The following MTMR4 variants were observed in gnomAD, a reference collection of about 807,000 sequenced individuals.
MTMR4 encodes the protein myotubularin related protein 4.
A neutral mutation model predicts 125.5 loss-of-function variants in MTMR4; 30 were observed. That is an observed-to-expected ratio of 0.24 (90% CI 0.18 to 0.32). The LOEUF is 0.32. Ranked by LOEUF, MTMR4 falls within the 10% of genes least tolerant of loss-of-function variation. The pLI, the probability that MTMR4 is intolerant of heterozygous loss-of-function variation, is 1.00. For missense variants in MTMR4, 1,039 were observed against 1,511.5 expected, an observed-to-expected ratio of 0.69 and a Z score of 5.18; for synonymous variants, 498 against 564.5, an observed-to-expected ratio of 0.88 and a Z score of 1.67.
intron 15 of MTMR4, among the ~76,000 whole-genome samples, chr17:58,493,426 C>T (rs868525328): frequency 5.9e-5 from 9 of 152,246 alleles, no homozygotes; most frequent in Admixed American, 5.9e-4. Flanking sequence ...GATCACGGCT[C>T]GCTGTAGCCT....
chr17:58,507,401 T>C (rs1237013863), intron 7 of MTMR4, 82 bp from the exon 8 acceptor site: 2 of 1,318,086 alleles, frequency 1.5e-6, no homozygotes, highest in East Asian at 4.8e-5. Context: ...CCAAAGTCTC[T>C]AGAGCCAGCA....
rs780527113 is a variant in MTMR4 at position 58,504,390 on chromosome 17, T to C, written c.1440A>G (p.Gln480=). 4.0e-5 allele frequency: 64 copies of C among 1,614,032 alleles called. No homozygotes were observed. Among genetic ancestry groups the C allele is most frequent in the Non-Finnish European group, 5.1e-5 (60 of 1,180,028 alleles). Residue 480 remains glutamine, a synonymous_variant, in exon 12 of 18, where the codon CAA becomes CAG. Coordinates refer to ENST00000682306, the MANE Select transcript of MTMR4 (RefSeq NM_001378067.1). This position sits in a 1 kb window ranked among gnomAD's most constrained non-coding sequence, Gnocchi z 7.1. ...HQENVEDQNE[Q]CPVFLQWLDS... is the part of the protein sequence containing the mutation. ...CAAGCCACTGGAGGAACACAGGGCA[T>C]TGTTCGTTTTGGTCCTCCACATTCT...
In MTMR4 at chr17:58,511,419, T is replaced by C. The variant is rs1263881779; in HGVS notation, c.335+10A>G. On this transcript the variant is annotated intron_variant, in intron 4 of 17. Transcript: ENST00000682306. The stretch of plus-strand genomic sequence containing the variant: ...GCCAGGGGACCTGAGTGAGGCTCCG[T>C]TGTTCTCACCTCACCACTTTGGAGT... 3 of 1,606,714 alleles carry C rather than the reference T, an allele frequency of 1.9e-6. No homozygotes were observed. Among genetic ancestry groups the C allele is most frequent in the Non-Finnish European group, 2.6e-6 (3 of 1,176,184 alleles).
rs766020154 is a variant in MTMR4 at position 58,495,184 on chromosome 17, A to G, written c.3000T>C (p.His1000=). 6.2e-7 allele frequency: 1 copy of G among 1,614,188 alleles called. No homozygotes were observed. The highest frequency in any genetic ancestry group is 1.1e-5 in the South Asian group (1 of 91,086). ...GCTTTGTGCTAGAGACTTGCTTTGG[A>G]TGACTGGACAACCACATCTGGTTCT... ...GGKNQMWLSS[H]PKQVSSTKPV... Residue 1000 remains histidine (H), a synonymous_variant, in exon 15 of 18, where the codon CAT becomes CAC. Coordinates refer to ENST00000682306, the MANE Select transcript of MTMR4 (RefSeq NM_001378067.1).
In MTMR4 at chr17:58,504,466, G is replaced by C. The variant is rs1452119621; in HGVS notation, c.1364C>G (p.Ser455Cys). 1 of 1,613,780 alleles carries C rather than the reference G, an allele frequency of 6.2e-7. No individual in the cohort carries two copies. The highest frequency in any genetic ancestry group is 2.2e-5 in the East Asian group (1 of 44,880). ...CTTGTGCCCAAAATCCAGCCAGTCAGACTCCACTAACACTTGGAAGCCCTG... is the reference window on the plus strand; with the variant it reads ...CTTGTGCCCAAAATCCAGCCAGTCACACTCCACTAACACTTGGAAGCCCTG... ...TLEGFQVLVE[S>C]DWLDFGHKFG... Residue 455 changes from serine to cysteine, a missense_variant, in exon 12 of 18, where the codon TCT becomes TGT. This residue lies in a region of MTMR4 where 107 missense variants were observed against 267.4 expected (regional missense o/e 0.40). Coordinates refer to ENST00000682306, the MANE Select transcript of MTMR4 (RefSeq NM_001378067.1). The surrounding 1 kb of genome is among the most constrained non-coding windows in gnomAD (Gnocchi z 7.1).
At chr17:58,511,577 G>C in intron 3 of MTMR4, 66 bp from the exon 4 acceptor site, 1 of 1,334,228 alleles carries the variant, frequency 7.5e-7, no homozygotes, top group Non-Finnish European at 1.1e-6. Flanking sequence ...CCTCACCCTA[G>C]CGTAGGCACT....
Position 58,504,307 on chromosome 17 carries a change from A to C in MTMR4, c.1523T>G (p.Phe508Cys). ...FPCLFEFNEA[F>C]LVKLVQHTYS... ...GTCACAGGCCTTAGGACTTACCAGGAATGCTTCATTAAATTCAAACAGGCA... is the reference window on the plus strand; with the variant it reads ...GTCACAGGCCTTAGGACTTACCAGGCATGCTTCATTAAATTCAAACAGGCA... Residue 508 changes from phenylalanine (F) to cysteine (C), a missense_variant, in exon 12 of 18, where the codon TTC becomes TGC. Phe to Cys is a radical substitution (Grantham distance 205). Coordinates refer to ENST00000682306, the MANE Select transcript of MTMR4 (RefSeq NM_001378067.1). This position sits in a 1 kb window ranked among gnomAD's most constrained non-coding sequence, Gnocchi z 7.1. 1 of 1,613,450 alleles carries C rather than the reference A, an allele frequency of 6.2e-7. No homozygotes were observed. The highest frequency in any genetic ancestry group is 8.5e-7 in the Non-Finnish European group (1 of 1,179,448).
chr17:58,506,084 T>C (rs1975773343), intron 9 of MTMR4, among the ~76,000 whole-genome samples: 1 of 152,220 alleles, frequency 6.6e-6, no homozygotes, highest in Admixed American at 6.5e-5. Context: ...ATATTAATAA[T>C]AGTAACAGTA....
chr17:58,508,929 G>A lies in MTMR4; in HGVS notation c.336-88C>T. ...GGGCCAAAAACACAGCCACAGGAAG[G>A]CTGTGAGGAGAGAAGGCTGCAAAGC... On this transcript the variant is annotated intron_variant, in intron 4 of 17. Transcript: ENST00000682306. This position sits in a 1 kb window ranked among gnomAD's most constrained non-coding sequence, Gnocchi z 4.8. 1 of 1,455,576 alleles carries A rather than the reference G, an allele frequency of 6.9e-7. No homozygotes were observed. The highest frequency in any genetic ancestry group is 9.4e-7 in the Non-Finnish European group (1 of 1,066,226). The allele number at this position is 1,455,576 out of a possible 1,614,324, so 90.2% of individuals were successfully genotyped here.
At chr17:58,506,651 C>A (rs967485058) in intron 9 of MTMR4, 92 bp downstream of exon 9, 31 of 1,507,164 alleles carry the variant, frequency 2.1e-5, no homozygotes, top group Non-Finnish European at 2.6e-5. Flanking sequence ...TTTGTTTGGG[C>A]TCTTTCCACT....
chr17:58,515,235 G>C (rs1377175636), upstream of MTMR4, among the ~76,000 whole-genome samples: 1 of 152,132 alleles, frequency 6.6e-6, no homozygotes, highest in Non-Finnish European at 1.5e-5. Flanking sequence ...TGAAGAGCTA[G>C]AAGTATCGAC....
At position 58,495,157 on chromosome 17, in the gene MTMR4, G is replaced by A. The variant is rs760881166; in HGVS notation, c.3027C>T (p.Pro1009=). 3.2e-5 allele frequency: 52 copies of A among 1,614,118 alleles called. No individual in the cohort carries two copies. The highest frequency in any genetic ancestry group is 3.8e-5 in the Non-Finnish European group (45 of 1,180,056). Residue 1009 remains proline, a synonymous_variant, in exon 15 of 18, where the codon CCC becomes CCT. Transcript: ENST00000682306. ...SHPKQVSSTK[P]VPLNCPSPVP... is the part of the protein sequence containing the mutation. ...CTGGAGAAGGGCAGTTCAGTGGAAC[G>A]GGCTTTGTGCTAGAGACTTGCTTTG... is the stretch of plus-strand genomic sequence containing the variant.
chr17:58,503,717 G>A (rs1325891890), intron 14 of MTMR4, 27 bp downstream of exon 14: 2 of 1,599,356 alleles, frequency 1.3e-6, no homozygotes, highest in East Asian at 2.2e-5. Flanking sequence ...AGTGGAGAGA[G>A]GAGAAAGGAA....
chr17:58,491,943 G>T, intron 17 of MTMR4, 103 bp from the exon 18 acceptor site: 1 of 1,080,174 alleles, frequency 9.3e-7, no homozygotes, highest in Non-Finnish European at 1.3e-6. Flanking sequence ...GGCTGAGGCA[G>T]TAGAATCGCT....
At chr17:58,514,760 A>G, upstream of MTMR4, 1 of 791,218 alleles carries the variant, frequency 1.3e-6, no homozygotes, top group Non-Finnish European at 1.5e-6. Flanking sequence ...GCCTCGTAGG[A>G]GGGCGTACCC....
Position 58,512,292 on chromosome 17 carries a change from T to G in MTMR4, c.252+98A>C. Reference sequence around the variant, plus strand: ...TGAGCCACTGCGCCCGGCCTCCAACTTTTTTAATGACATGATCAAGGACAG... The same window carrying G: ...TGAGCCACTGCGCCCGGCCTCCAACGTTTTTAATGACATGATCAAGGACAG... On this transcript the variant is annotated intron_variant, in intron 3 of 17. Transcript: ENST00000682306. This position sits in a 1 kb window ranked among gnomAD's most constrained non-coding sequence, Gnocchi z 4.1. 2.6e-6 allele frequency: 3 copies of G among 1,153,650 alleles called. No homozygotes were observed. In the South Asian group the frequency reaches 3.9e-5, roughly 15 times the overall value. The allele number at this position is 1,153,650 out of a possible 1,614,324, so 71.5% of individuals were successfully genotyped here.
In MTMR4 at chr17:58,504,412, T is replaced by A; in HGVS notation, c.1418A>T (p.Asn473Ile). ...GCATTGTTCGTTTTGGTCCTCCACA[T>A]TCTCTTGGTGGCCACAGCGATCTCC... is the stretch of plus-strand genomic sequence containing the variant. ...KFGDRCGHQE[N>I]VEDQNEQCPV... Residue 473 changes from asparagine (N) to isoleucine (I), a missense_variant, in exon 12 of 18, where the codon AAT becomes ATT. Around this residue, in one of 6 missense-constraint regions of MTMR4, gnomAD observed 107 missense variants for 267.4 expected, o/e 0.40. Transcript: ENST00000682306. The surrounding 1 kb of genome is among the most constrained non-coding windows in gnomAD (Gnocchi z 7.1). The A allele has an allele frequency of 1.2e-6, 2 of 1,614,110 alleles. No homozygotes were observed. Among genetic ancestry groups the A allele is most frequent in the Non-Finnish European group, 1.7e-6 (2 of 1,180,018 alleles).
Position 58,495,307 on chromosome 17 carries a change from T to C in MTMR4, c.2877A>G (p.Thr959=). Residue 959 remains threonine, a synonymous_variant, in exon 15 of 18, where the codon ACA becomes ACG. Transcript: ENST00000682306. ...CCCACTGGCCCCCAAAGCAGGGCCC[T>C]GTGGCCCGCATCTGCTTACTGTTTG... The part of the protein sequence containing the change: ...KRPNSKQMRA[T]GPCFGGQWAQ... The C allele has an allele frequency of 6.2e-7, 1 of 1,614,242 alleles. No homozygotes were observed. The highest frequency in any genetic ancestry group is 8.5e-7 in the Non-Finnish European group (1 of 1,180,040).
At position 58,489,680 on chromosome 17, in the gene MTMR4, A is replaced by C. The variant is rs1488171407; in HGVS notation, c.*1983T>G. On this transcript the variant is annotated 3_prime_UTR_variant, in exon 18 of 18. Coordinates refer to ENST00000682306, the MANE Select transcript of MTMR4 (RefSeq NM_001378067.1). ...GCTCTGAAAGGAGTATTTGATGAAC[A>C]CATCTGAGCCAAGAGCCCAGAGTCT... 1.3e-5 allele frequency: 2 copies of C among 152,222 alleles called. No individual in the cohort carries two copies. Among genetic ancestry groups the C allele is most frequent in the Non-Finnish European group, 2.9e-5 (2 of 68,038 alleles). 9.4% of individuals were successfully genotyped at this position (152,222 alleles called of 1,614,324 possible). A position where few individuals can be genotyped will look rare whatever the true frequency, so the allele number is the denominator to read the frequency against.
Sources: allele counts gnomAD v4.1 joint callset (sites outside exome capture counted in the v4.1 genomes callset), GRCh38; gene constraint gnomAD v4.1.1; regional missense constraint gnomAD v4.1.1; non-coding constraint Gnocchi (gnomAD v3.1); transcripts MANE v1.5; gene names NCBI Gene and HGNC (gene_info 2026-07-23, HGNC 2026-07-21).